ZRANB1: variants seen among roughly 807,000 people sequenced by gnomAD.
ZRANB1 encodes the protein ubiquitin thioesterase ZRANB1.
In ZRANB1, 16 loss-of-function variants were observed where a neutral mutation model predicts 80.5. That is an observed-to-expected ratio of 0.20 (90% CI 0.13 to 0.30). The LOEUF is 0.30. Ranked by LOEUF, ZRANB1 falls within the 10% of genes least tolerant of loss-of-function variation. ZRANB1 has a pLI of 1.00. For missense variants in ZRANB1, 576 were observed against 862.6 expected (o/e 0.67, Z 4.16); for synonymous variants, 291 against 293.1 (o/e 0.99, Z 0.07).
At chr10:124,925,802 T>G in the ZRANB1 span, among the ~76,000 whole-genome samples, 1 of 152,208 alleles carries the variant, frequency 6.6e-6, no homozygotes, top group Non-Finnish European at 1.5e-5. Flanking sequence ...CATCATTTGT[T>G]GAAACACACT....
At position 124,986,385 on chromosome 10, in the gene ZRANB1, G is replaced by C. The variant is rs1952044483; in HGVS notation, c.*1393G>C. 1 of 152,020 alleles carries C rather than the reference G, an allele frequency of 6.6e-6. No individual in the cohort carries two copies. The highest frequency in any genetic ancestry group is 2.4e-5 in the African/African-American group (1 of 41,248). 9.4% of individuals were successfully genotyped at this position (152,020 alleles called of 1,614,324 possible). A position where few individuals can be genotyped will look rare whatever the true frequency, so the allele number is the denominator to read the frequency against. The stretch of plus-strand genomic sequence containing the variant: ...ACCTTAAAGTATTTGCTTGCTTCTT[G>C]TTTTGTTTAGTTGATAATGAAATGT... On this transcript the variant is annotated 3_prime_UTR_variant, in exon 9 of 9. Transcript: ENST00000359653.
At chr10:124,928,300 T>G in the ZRANB1 span, among the ~76,000 whole-genome samples, 1 of 152,028 alleles carries the variant, frequency 6.6e-6, no homozygotes, top group African/African-American at 2.4e-5. Context: ...GCGGATGAGG[T>G]TGGAAAGGCA....
intron 1 of ZRANB1, among the ~76,000 whole-genome samples, chr10:124,959,180 A>G (rs1220640362): frequency 6.6e-6 from 1 of 152,062 alleles, no homozygotes; most frequent in Non-Finnish European, 1.5e-5. Context: ...ACCTAATCTC[A>G]TTAGGAGATT....
intron 1 of ZRANB1, among the ~76,000 whole-genome samples, chr10:124,955,191 A>G (rs1385214837): frequency 6.6e-6 from 1 of 151,616 alleles, no homozygotes; most frequent in Admixed American, 6.6e-5. Flanking sequence ...ACAAAACAAA[A>G]ATGGTTCGAG....
rs1430757367 is a variant in ZRANB1 at position 124,985,801 on chromosome 10, CT to C, written c.*811del. ...CCTGGATGAAAAGGGAGCAAGCCCA[CT>C]TGTCACTAAATGAATTGTGTGAAAT... On this transcript the variant is annotated 3_prime_UTR_variant, in exon 9 of 9. Coordinates refer to ENST00000359653, the MANE Select transcript of ZRANB1 (RefSeq NM_017580.3). The C allele has an allele frequency of 2.6e-5, 4 of 152,232 alleles. No homozygotes were observed. Among genetic ancestry groups the C allele is most frequent in the Admixed American group, 6.5e-5 (1 of 15,288 alleles). 9.4% of individuals were successfully genotyped at this position (152,232 alleles called of 1,614,324 possible).
the ZRANB1 span, among the ~76,000 whole-genome samples, chr10:124,920,681 C>G: frequency 6.6e-6 from 1 of 151,958 alleles, no homozygotes; most frequent in South Asian, 2.1e-4. Flanking sequence ...GGTCCTGTCT[C>G]TAGAGAAGCC....
chr10:124,938,659 C>G (rs1951508725), upstream of ZRANB1, among the ~76,000 whole-genome samples: 1 of 152,060 alleles, frequency 6.6e-6, no homozygotes, highest in Non-Finnish European at 1.5e-5. Flanking sequence ...AAACAACATT[C>G]CTGCAATGTT....
chr10:124,934,212 A>C, the ZRANB1 span, among the ~76,000 whole-genome samples: 1 of 152,218 alleles, frequency 6.6e-6, no homozygotes, highest in Non-Finnish European at 1.5e-5. Context: ...GGCCAAGGTC[A>C]CCCTGGCAGG....
the ZRANB1 span, among the ~76,000 whole-genome samples, chr10:124,927,221 C>T: frequency 3.9e-5 from 6 of 152,318 alleles, no homozygotes; most frequent in East Asian, 1.9e-4. Context: ...TCCCAAAGTG[C>T]TGGGATTACA....
chr10:124,966,469 A>T, intron 1 of ZRANB1, 125 bp from the exon 2 acceptor site: 2 of 922,616 alleles, frequency 2.2e-6, no homozygotes, highest in Non-Finnish European at 3.3e-6. Flanking sequence ...TAGGACATTT[A>T]AATGATGCAT....
chr10:124,979,348 T>A (rs2133993982), intron 5 of ZRANB1, among the ~76,000 whole-genome samples: 1 of 152,374 alleles, frequency 6.6e-6, no homozygotes, highest in African/African-American at 2.4e-5. Context: ...GTTTAATATC[T>A]TTCCACGTCT....
chr10:124,978,921 G>A (rs988741041), intron 5 of ZRANB1, among the ~76,000 whole-genome samples: 5 of 130,650 alleles, frequency 3.8e-5, no homozygotes, highest in African/African-American at 1.5e-4. Flanking sequence ...ATTATCGGCC[G>A]GGCCTGGTGG....
rs1952057830 is a variant in ZRANB1, at chr10:124,986,848, A to G, written c.*1856A>G. 6.6e-6 allele frequency: 1 copy of G among 152,210 alleles called. No homozygotes were observed. Among genetic ancestry groups the G allele is most frequent in the Non-Finnish European group, 1.5e-5 (1 of 68,046 alleles). The allele number at this position is 152,210 out of a possible 1,614,324, so 9.4% of individuals were successfully genotyped here. ...AAAGCCAAAGAGAATTGTTAGAGGG[A>G]AAAGCATGTAGCCATTGCAGTCTGC... On this transcript the variant is annotated 3_prime_UTR_variant, in exon 9 of 9. Coordinates refer to ENST00000359653, the MANE Select transcript of ZRANB1 (RefSeq NM_017580.3).
intron 1 of ZRANB1, among the ~76,000 whole-genome samples, chr10:124,953,400 C>T (rs1036497214): frequency 6.6e-6 from 1 of 152,058 alleles, no homozygotes; most frequent in Non-Finnish European, 1.5e-5. Flanking sequence ...TTTCTTTCTG[C>T]TGGATATGTT....
intron 1 of ZRANB1, among the ~76,000 whole-genome samples, chr10:124,959,620 G>A (rs1951715090): frequency 6.6e-6 from 1 of 152,030 alleles, no homozygotes; most frequent in South Asian, 2.1e-4. Flanking sequence ...GTGCATGCCA[G>A]CACGCCTGGC....
the ZRANB1 span, among the ~76,000 whole-genome samples, chr10:124,924,924 T>C: frequency 6.6e-6 from 1 of 151,922 alleles, no homozygotes; most frequent in Non-Finnish European, 1.5e-5. Context: ...TTTTTTTTTT[T>C]GAGACAGCGT....
chr10:124,940,342 C>G (rs1449356403), upstream of ZRANB1, among the ~76,000 whole-genome samples: 1 of 152,244 alleles, frequency 6.6e-6, no homozygotes, highest in Non-Finnish European at 1.5e-5. Context: ...TAGCAGGCTT[C>G]AAGTGAAATT....
At chr10:124,930,268 TTCTG>T in the ZRANB1 span, among the ~76,000 whole-genome samples, 3 of 152,168 alleles carry the variant, frequency 2.0e-5, no homozygotes, top group South Asian at 4.1e-4. Flanking sequence ...CTTCCTTTCC[TTCTG>T]TCTTTCTTTC....
At chr10:124,971,851 A>T (rs181516371) in intron 2 of ZRANB1, 114 bp from the exon 3 acceptor site, 2 of 996,092 alleles carry the variant, frequency 2.0e-6, no homozygotes, top group Non-Finnish European at 2.8e-6. Flanking sequence ...GTATTTTAAG[A>T]TTAAAGAAAA....
Sources: gnomAD v4.1 joint callset for allele counts (sites outside exome capture counted in the v4.1 genomes callset) on GRCh38, gnomAD v4.1.1 for gene constraint, MANE v1.5 for transcripts, NCBI Gene and HGNC (gene_info 2026-07-23, HGNC 2026-07-21) for gene names.